Variants in AP3B1 observed in about 807,000 individuals in gnomAD.
AP3B1 encodes adaptor related protein complex 3 subunit beta 1.
AP3B1 carries 61 observed loss-of-function variants against 132.5 expected under a neutral mutation model. That is an observed-to-expected ratio of 0.46 (90% CI 0.37 to 0.57). The LOEUF is 0.57. AP3B1 is among the 20% of genes least tolerant of loss of function. The pLI, the probability that AP3B1 is intolerant of heterozygous loss-of-function variation, is 0.00. For synonymous variants in AP3B1, 388 were observed against 438.3 expected, an observed-to-expected ratio of 0.89 and a Z score of 1.43; for missense variants, 1,120 against 1,289.4, an observed-to-expected ratio of 0.87 and a Z score of 2.01.
intron 7 of AP3B1, among the ~76,000 whole-genome samples, chr5:78,206,487 G>A (rs1745508596): frequency 1.3e-5 from 2 of 152,134 alleles, no homozygotes; most frequent in Admixed American, 1.3e-4. Context: ...GGTAGAGACT[G>A]TTGATTACCT....
chr5:78,198,330 G>T (rs1168255555), intron 7 of AP3B1, among the ~76,000 whole-genome samples: 1 of 152,186 alleles, frequency 6.6e-6, no homozygotes, highest in African/African-American at 2.4e-5. Context: ...AACTCAGGCT[G>T]TTATAACAAA....
At chr5:78,089,800 C>T (rs910846692) in intron 21 of AP3B1, among the ~76,000 whole-genome samples, 1 of 152,028 alleles carries the variant, frequency 6.6e-6, no homozygotes, top group Non-Finnish European at 1.5e-5. Flanking sequence ...CAGTAATCTC[C>T]CTAAAAAAGT....
rs562777440 is a variant in AP3B1, at chr5:78,293,067, CG to C, written c.128+1384del. On this transcript the variant is annotated intron_variant, in intron 1 of 26. Transcript: ENST00000255194. The stretch of plus-strand genomic sequence containing the variant: ...CTAATTTTTGTATTTTTAGTAGAGA[CG>C]GGGTTTCACCATGTTGGCCAGGCTG... Among the ~76,000 whole-genome samples the C allele has an allele frequency of 2.7e-4, 41 of 151,958 alleles. No individual in the cohort carries two copies. In the East Asian group the frequency reaches 7.8e-3, roughly 29 times the overall value.
chr5:78,057,998 A>T (rs1194837431), intron 22 of AP3B1, among the ~76,000 whole-genome samples: 2 of 152,240 alleles, frequency 1.3e-5, no homozygotes, highest in Non-Finnish European at 2.9e-5. Context: ...AAATAATCAC[A>T]GTATGCGAAT....
intron 17 of AP3B1, among the ~76,000 whole-genome samples, chr5:78,118,518 G>A (rs1383054191): frequency 6.6e-6 from 1 of 152,240 alleles, no homozygotes; most frequent in African/African-American, 2.4e-5. Context: ...GGCACACCAG[G>A]AGATTATATC....
Position 78,002,944 on chromosome 5 carries a change from A to G in AP3B1, c.3243T>C (p.Ser1081=). Reference sequence around the variant, plus strand: ...CAGGCTTCAGTTCCCGCAGCAGAACAGAGCCAATCACAGTTTTCTCAGTGT... The same window carrying G: ...CAGGCTTCAGTTCCCGCAGCAGAACGGAGCCAATCACAGTTTTCTCAGTGT... ...IINTEKTVIG[S]VLLRELKPVL... is the part of the protein sequence containing the mutation. The change falls in exon 27 of 27, where the codon TCT becomes TCC. Residue 1081 remains serine, a synonymous_variant. Transcript: ENST00000255194. 1 of 1,614,202 alleles carries G rather than the reference A, an allele frequency of 6.2e-7. No homozygotes were observed. Among genetic ancestry groups the G allele is most frequent in the Non-Finnish European group, 8.5e-7 (1 of 1,180,028 alleles).
chr5:78,198,406 C>G (rs542408715), intron 7 of AP3B1, among the ~76,000 whole-genome samples: 1 of 152,194 alleles, frequency 6.6e-6, no homozygotes, highest in East Asian at 1.9e-4. Context: ...GCTGAAAAGT[C>G]CAAGATCAAG....
At chr5:78,119,004 T>C (rs143124128) in intron 17 of AP3B1, among the ~76,000 whole-genome samples, 5,332 of 152,186 alleles carry the variant, frequency 0.035, 313 homozygotes, top group African/African-American at 0.12. Context: ...GGCAGCAGCA[T>C]TTGCAGTTCA....
At chr5:78,144,266 T>C (rs1229243516) in intron 14 of AP3B1, among the ~76,000 whole-genome samples, 11 of 152,328 alleles carry the variant, frequency 7.2e-5, no homozygotes, top group Admixed American at 6.5e-4. Flanking sequence ...AGTGATTAAA[T>C]GCACTTTTCA....
intron 1 of AP3B1, among the ~76,000 whole-genome samples, chr5:78,280,775 A>C (rs949567219): frequency 2.0e-5 from 3 of 152,154 alleles, no homozygotes; most frequent in African/African-American, 4.8e-5. Context: ...AATTCAGGAA[A>C]CCAATATGCA....
intron 2 of AP3B1, among the ~76,000 whole-genome samples, chr5:78,245,221 G>C (rs1322794332): frequency 4.6e-5 from 7 of 152,194 alleles, no homozygotes; most frequent in Non-Finnish European, 1.0e-4. Flanking sequence ...CAGACGTTCA[G>C]GGCGAAACAG....
chr5:78,280,999 G>A (rs189679219), intron 1 of AP3B1, among the ~76,000 whole-genome samples: 7 of 152,082 alleles, frequency 4.6e-5, no homozygotes, highest in Admixed American at 3.3e-4. Flanking sequence ...AAGTCACATG[G>A]TCCCACCAAG....
rs1313111043 is a variant in AP3B1, at chr5:78,113,792, T to G, written c.2209A>C (p.Lys737Gln). Residue 737 changes from lysine to glutamine, a missense_variant, in exon 19 of 27, where the codon AAA becomes CAA. This residue lies in a region of AP3B1 where 906 missense variants were observed against 997.1 expected (regional missense o/e 0.91). Transcript: ENST00000255194. ...ESGRESGLEN[K>Q]RTAKRNSKAK... ...TTTGAGTTCCTCTTGGCTGTTCTTT[T>G]GTTTTCTAGGCCTGACTCCCGTCCA... 6.2e-7 allele frequency: 1 copy of G among 1,614,100 alleles called. No individual in the cohort carries two copies. The highest frequency in any genetic ancestry group is 8.5e-7 in the Non-Finnish European group (1 of 1,180,056).
At chr5:78,162,975 T>C in intron 12 of AP3B1, 24 bp from the exon 13 acceptor site, 2 of 1,608,632 alleles carry the variant, frequency 1.2e-6, no homozygotes, top group Non-Finnish European at 1.7e-6. Context: ...TTTCAATTAG[T>C]TTACACACTG....
Position 78,259,246 on chromosome 5 carries a change from CA to C in AP3B1, c.204+8273del, listed in dbSNP as rs58069551. 4.3e-3 allele frequency among the ~76,000 whole-genome samples: 495 copies of C among 114,526 alleles called. 1 individual carries two copies. The highest frequency in any genetic ancestry group is 0.011 in the African/African-American group (311 of 28,964). 75.1% of individuals were successfully genotyped at this position (114,526 alleles called of 152,430 possible). ...CTGGTGACAGAGCAAGACTCCATCT[CA>C]AAAAAAAAAAAAAGAAAGAAAGAAA... On this transcript the variant is annotated intron_variant, in intron 2 of 26. Coordinates refer to ENST00000255194, the MANE Select transcript of AP3B1 (RefSeq NM_003664.5).
At chr5:78,180,931 G>C (rs1363682577) in intron 8 of AP3B1, among the ~76,000 whole-genome samples, 1 of 151,724 alleles carries the variant, frequency 6.6e-6, no homozygotes, top group South Asian at 2.1e-4. Flanking sequence ...ACAAAAAGGT[G>C]TCGAACAAAC....
chr5:78,137,760 T>A (rs1752978813), intron 15 of AP3B1, among the ~76,000 whole-genome samples: 1 of 152,238 alleles, frequency 6.6e-6, no homozygotes, highest in Non-Finnish European at 1.5e-5. Context: ...AATTTTTAAA[T>A]TATTTTTTAT....
At chr5:78,281,043 GA>G (rs903006406) in intron 1 of AP3B1, among the ~76,000 whole-genome samples, 1 of 152,008 alleles carries the variant, frequency 6.6e-6, no homozygotes, top group African/African-American at 2.4e-5. Flanking sequence ...ACCAGAAACA[GA>G]AAAAAAGTCC....
At chr5:78,067,270 C>G (rs1749332432) in intron 22 of AP3B1, among the ~76,000 whole-genome samples, 2 of 152,300 alleles carry the variant, frequency 1.3e-5, no homozygotes, top group Non-Finnish European at 2.9e-5. Flanking sequence ...ATTCATAAAA[C>G]AAGCTCTCAG....
Sources: gnomAD v4.1 joint callset for allele counts (sites outside exome capture counted in the v4.1 genomes callset) on GRCh38, gnomAD v4.1.1 for gene constraint, gnomAD v4.1.1 regional missense constraint, MANE v1.5 for transcripts, NCBI Gene and HGNC (gene_info 2026-07-23, HGNC 2026-07-21) for gene names.